RPTOR: variants seen among roughly 807,000 people sequenced by gnomAD.
RPTOR encodes regulatory-associated protein of mTOR.
A neutral mutation model predicts 169.9 loss-of-function variants in RPTOR; 21 were observed. The observed-to-expected ratio is 0.12, with a 90% CI of 0.09 to 0.18. The LOEUF is 0.18. Among genes scored for constraint, RPTOR ranks in the 10% least tolerant of loss-of-function variants. The probability of loss-of-function intolerance (pLI) is 1.00; values close to 1 mark genes in which losing one functional copy is unlikely to be tolerated. For synonymous variants in RPTOR, 732 were observed against 753.2 expected (o/e 0.97, Z 0.46); for missense variants, 1,133 against 1,855.9 (o/e 0.61, Z 7.16).
Position 80,708,110 on chromosome 17 carries a change from T to C in RPTOR, c.507+111T>C. On this transcript the variant is annotated intron_variant, in intron 4 of 33. Transcript: ENST00000306801. The surrounding 1 kb of genome is among the most constrained non-coding windows in gnomAD (Gnocchi z 4.2). ...CTTCTGTTAAGCCATTGATGTTTAC[T>C]GTGTTTCAACAAACCCAAATGCCAT... 8.8e-7 allele frequency: 1 copy of C among 1,134,996 alleles called. No individual in the cohort carries two copies. The highest frequency in any genetic ancestry group is 2.6e-5 in the Admixed American group (1 of 39,050). 70.3% of individuals were successfully genotyped at this position (1,134,996 alleles called of 1,614,324 possible).
chr17:80,715,763 T>C (rs1359326681), intron 4 of RPTOR, among the ~76,000 whole-genome samples: 1 of 152,062 alleles, frequency 6.6e-6, no homozygotes, highest in Non-Finnish European at 1.5e-5. Context: ...GTATCATTCT[T>C]ATGCCTTTGT....
intron 5 of RPTOR, among the ~76,000 whole-genome samples, chr17:80,743,639 T>C (rs1452382746): frequency 6.0e-5 from 9 of 150,810 alleles, no homozygotes; most frequent in Non-Finnish European, 2.9e-5. Flanking sequence ...TAACTCACTT[T>C]GCTACTTTGC....
chr17:80,866,219 C>T (rs2067988934), intron 13 of RPTOR, among the ~76,000 whole-genome samples: 3 of 149,526 alleles, frequency 2.0e-5, no homozygotes, highest in Non-Finnish European at 3.0e-5. Flanking sequence ...TAAATACTTG[C>T]ATTAAATAAA....
intron 1 of RPTOR, among the ~76,000 whole-genome samples, chr17:80,623,001 C>A (rs2065366115): frequency 6.6e-6 from 1 of 152,128 alleles, no homozygotes; most frequent in South Asian, 2.1e-4. Flanking sequence ...TCCTATACAA[C>A]TTTAAATTCT....
At chr17:80,613,040 C>T (rs995139269) in intron 1 of RPTOR, among the ~76,000 whole-genome samples, 2 of 152,198 alleles carry the variant, frequency 1.3e-5, no homozygotes, top group Non-Finnish European at 2.9e-5. Context: ...CAGGGTCCCC[C>T]CTTGGATGCA....
chr17:80,729,764 T>C (rs1261077880), intron 4 of RPTOR, among the ~76,000 whole-genome samples: 1 of 152,246 alleles, frequency 6.6e-6, no homozygotes, highest in Non-Finnish European at 1.5e-5. Flanking sequence ...TGTTGTGTTA[T>C]ATAAACCCAG....
intron 3 of RPTOR, among the ~76,000 whole-genome samples, chr17:80,692,522 T>C (rs923725074): frequency 3.3e-5 from 5 of 152,196 alleles, no homozygotes; most frequent in African/African-American, 1.2e-4. Context: ...GGTTTCTCCA[T>C]GTTGGTCAGG....
intron 14 of RPTOR, among the ~76,000 whole-genome samples, chr17:80,882,870 C>A (rs2068201102): frequency 6.6e-6 from 1 of 152,220 alleles, no homozygotes; most frequent in African/African-American, 2.4e-5. Flanking sequence ...GGACACTAGA[C>A]CGCGCGACGT....
Position 80,845,636 on chromosome 17 carries a change from C to G in RPTOR, c.1213-837C>G, listed in dbSNP as rs2067720637. ...CAGCCTTTCCCCACCCTCCGTGCCCCCAGCTGGGTCTTTCTCACCAGCGTC... is the reference window on the plus strand; with the variant it reads ...CAGCCTTTCCCCACCCTCCGTGCCCGCAGCTGGGTCTTTCTCACCAGCGTC... On this transcript the variant is annotated intron_variant, in intron 10 of 33. Coordinates refer to ENST00000306801, the MANE Select transcript of RPTOR (RefSeq NM_020761.3). This position sits in a 1 kb window ranked among gnomAD's most constrained non-coding sequence, Gnocchi z 5.4. Among the ~76,000 whole-genome samples, 1 of 152,124 alleles carries G rather than the reference C, an allele frequency of 6.6e-6. No individual in the cohort carries two copies. The highest frequency in any genetic ancestry group is 2.4e-5 in the African/African-American group (1 of 41,420).
At chr17:80,602,820 A>G (rs1235485877) in intron 1 of RPTOR, 2 of 649,674 alleles carry the variant, frequency 3.1e-6, no homozygotes, top group Non-Finnish European at 5.7e-6. Context: ...CATGAAGCCC[A>G]CTCCGTGGAC....
Position 80,708,119 on chromosome 17 carries a change from A to G in RPTOR, c.507+120A>G, listed in dbSNP as rs1396612640. ...AGCCATTGATGTTTACTGTGTTTCA[A>G]CAAACCCAAATGCCATAACTGAACG... On this transcript the variant is annotated intron_variant, in intron 4 of 33. Transcript: ENST00000306801. The surrounding 1 kb of genome is among the most constrained non-coding windows in gnomAD (Gnocchi z 4.2). 38 of 1,010,104 alleles carry G rather than the reference A, an allele frequency of 3.8e-5. No individual in the cohort carries two copies. In the Admixed American group the frequency reaches 5.3e-4, roughly 14 times the overall value. The allele number at this position is 1,010,104 out of a possible 1,614,324, so 62.6% of individuals were successfully genotyped here. A position where few individuals can be genotyped will look rare whatever the true frequency, so the allele number is the denominator to read the frequency against.
chr17:80,843,113 G>C (rs2067689033), intron 10 of RPTOR, among the ~76,000 whole-genome samples: 1 of 152,178 alleles, frequency 6.6e-6, no homozygotes, highest in Admixed American at 6.5e-5. Context: ...TTTACCATCA[G>C]TGTGTTAATT....
rs1456067450 is a variant in RPTOR at position 80,891,742 on chromosome 17, A to G, written c.2006A>G (p.His669Arg). ...CAGGAGCTGGTGGTGGCTCTGAGTC[A>G]TCTTGTGGTTCAGTATGAAAGCAAT... is the stretch of plus-strand genomic sequence containing the variant. ...VRKELVVALS[H>R]LVVQYESNFC... Residue 669 changes from histidine (H) to arginine (R), a missense_variant, in exon 18 of 34, where the codon CAT (histidine) becomes CGT (arginine). By Grantham distance (29) the His-to-Arg change is conservative (BLOSUM62 0). Transcript: ENST00000306801. The G allele has an allele frequency of 1.2e-6, 2 of 1,613,632 alleles. No homozygotes were observed. Among genetic ancestry groups the G allele is most frequent in the East Asian group, 2.2e-5 (1 of 44,886 alleles).
chr17:80,683,326 G>A (rs892475136), intron 3 of RPTOR, among the ~76,000 whole-genome samples: 10 of 152,312 alleles, frequency 6.6e-5, no homozygotes, highest in African/African-American at 1.9e-4. Flanking sequence ...GCAAGCATCT[G>A]TGGCAGGAGG....
rs1481412204 is a variant in RPTOR at position 80,936,555 on chromosome 17, A to G, written c.2920-3941A>G. On this transcript the variant is annotated intron_variant, in intron 24 of 33. Transcript: ENST00000306801. This position sits in a 1 kb window ranked among gnomAD's most constrained non-coding sequence, Gnocchi z 4.1. The stretch of plus-strand genomic sequence containing the variant: ...TTGATAAACGCAGTGGCACAGATGC[A>G]TCTCAAGTGTATCATGCTAAATGGA... Among the ~76,000 whole-genome samples the G allele has an allele frequency of 2.0e-5, 3 of 152,264 alleles. No homozygotes were observed. The highest frequency in any genetic ancestry group is 2.9e-5 in the Non-Finnish European group (2 of 68,044).
At chr17:80,569,686 G>T (rs2064882572) in intron 1 of RPTOR, among the ~76,000 whole-genome samples, 1 of 152,170 alleles carries the variant, frequency 6.6e-6, no homozygotes, top group South Asian at 2.1e-4. Flanking sequence ...CAGTGGTAAA[G>T]TTGAGAAGTT....
chr17:80,789,779 C>G (rs928099242), intron 6 of RPTOR, among the ~76,000 whole-genome samples: 1 of 152,188 alleles, frequency 6.6e-6, no homozygotes, highest in East Asian at 1.9e-4. Flanking sequence ...CTAAGGGTCA[C>G]GGCCCTTCCA....
At position 80,820,041 on chromosome 17, in the gene RPTOR, A is replaced by G. The variant is rs1243040122; in HGVS notation, c.891-2160A>G. 6.6e-6 allele frequency among the ~76,000 whole-genome samples: 1 copy of G among 152,048 alleles called. No homozygotes were observed. The highest frequency in any genetic ancestry group is 2.4e-5 in the African/African-American group (1 of 41,384). On this transcript the variant is annotated intron_variant, in intron 7 of 33. Coordinates refer to ENST00000306801, the MANE Select transcript of RPTOR (RefSeq NM_020761.3). The surrounding 1 kb of genome is among the most constrained non-coding windows in gnomAD (Gnocchi z 4.1). ...GCCCTCATAGTTTGACTAACTCCAG[A>G]TATGTTGAGAGAGGAGAGAACCCGT...
In RPTOR at chr17:80,820,065, G is replaced by A. The variant is rs74001096; in HGVS notation, c.891-2136G>A. Among the ~76,000 whole-genome samples, 3,710 of 152,210 alleles carry A rather than the reference G, an allele frequency of 0.024. 143 individuals carry two copies. The highest frequency in any genetic ancestry group is 0.085 in the African/African-American group (3,526 of 41,510). Reference sequence around the variant, plus strand: ...GATATGTTGAGAGAGGAGAGAACCCGTGACAGGATGCTGAAGATCAGCAAC... The same window carrying A: ...GATATGTTGAGAGAGGAGAGAACCCATGACAGGATGCTGAAGATCAGCAAC... On this transcript the variant is annotated intron_variant, in intron 7 of 33. Coordinates refer to ENST00000306801, the MANE Select transcript of RPTOR (RefSeq NM_020761.3). The surrounding 1 kb of genome is among the most constrained non-coding windows in gnomAD (Gnocchi z 4.1).
Sources: allele counts gnomAD v4.1 joint callset (sites outside exome capture counted in the v4.1 genomes callset), GRCh38; gene constraint gnomAD v4.1.1; non-coding constraint Gnocchi (gnomAD v3.1); transcripts MANE v1.5; gene names NCBI Gene and HGNC (gene_info 2026-07-23, HGNC 2026-07-21).